FUT8: variants seen among roughly 807,000 people sequenced by gnomAD.
FUT8 encodes the protein alpha-(1,6)-fucosyltransferase.
A neutral mutation model predicts 71.3 loss-of-function variants in FUT8; 29 were observed. The ratio of observed to expected loss-of-function variants is 0.41; its 90% CI spans 0.30 to 0.55. FUT8 has a LOEUF of 0.55. Ranked by LOEUF, FUT8 falls within the 20% of genes least tolerant of loss-of-function variation. The pLI, the probability that FUT8 is intolerant of heterozygous loss-of-function variation, is 0.34. For missense variants in FUT8, 544 were observed against 702.1 expected, an observed-to-expected ratio of 0.77 and a Z score of 2.55; for synonymous variants, 254 against 239.3, an observed-to-expected ratio of 1.06 and a Z score of -0.57.
At chr14:65,671,337 C>A (rs184984244) in intron 7 of FUT8, among the ~76,000 whole-genome samples, 2 of 152,146 alleles carry the variant, frequency 1.3e-5, no homozygotes, top group African/African-American at 4.8e-5. Flanking sequence ...TCGGTAGTGG[C>A]AACCACAGGG....
chr14:65,584,572 G>A (rs2140122687), intron 3 of FUT8, among the ~76,000 whole-genome samples: 1 of 152,296 alleles, frequency 6.6e-6, no homozygotes, highest in East Asian at 1.9e-4. Context: ...TTGCTTATTA[G>A]GGATATAAAA....
chr14:65,697,660 G>C lies in FUT8; in HGVS notation c.836-24115G>C, dbSNP rs112878635. Among the ~76,000 whole-genome samples the C allele has an allele frequency of 6.8e-3, 1,037 of 152,346 alleles. 11 individuals carry two copies. Among genetic ancestry groups the C allele is most frequent in the African/African-American group, 0.023 (973 of 41,582 alleles). On this transcript the variant is annotated intron_variant, in intron 7 of 10. Transcript: ENST00000673929. ...AGCTATAAAAAGGAATATGAGGCCA[G>C]GTGCGGTGGCTCACGCCTGTTGCCT...
At chr14:65,498,302 T>C (rs1347494292) in intron 2 of FUT8, among the ~76,000 whole-genome samples, 1 of 152,206 alleles carries the variant, frequency 6.6e-6, no homozygotes, top group African/African-American at 2.4e-5. Context: ...GTCATAATTT[T>C]AAACTTAAGT....
chr14:65,741,734 C>T (rs985310841), intron 10 of FUT8, among the ~76,000 whole-genome samples: 2 of 151,938 alleles, frequency 1.3e-5, no homozygotes, highest in Admixed American at 6.6e-5. Context: ...CTATGTCTTA[C>T]TCATTTTGGT....
intron 6 of FUT8, among the ~76,000 whole-genome samples, chr14:65,665,195 T>C (rs112137161): frequency 1.4e-4 from 22 of 152,278 alleles, no homozygotes; most frequent in African/African-American, 5.3e-4. Context: ...TTTTACTTCA[T>C]AATGAAAAAG....
the FUT8 span, among the ~76,000 whole-genome samples, chr14:65,383,852 G>A: frequency 3.3e-5 from 5 of 152,196 alleles, no homozygotes; most frequent in Admixed American, 1.3e-4. Context: ...CCAAAGACTA[G>A]CAAAGTGGGA....
chr14:65,494,851 T>G lies in FUT8; in HGVS notation c.-228+39133T>G, dbSNP rs73284147. ...GAAGAGAAAGGATATTTTTTATACT[T>G]AAGGAAGTGGGGAGGAAGGTTTACC... On this transcript the variant is annotated intron_variant, in intron 2 of 10. Transcript: ENST00000673929. 9.3e-3 allele frequency among the ~76,000 whole-genome samples: 1,420 copies of G among 152,068 alleles called. 21 individuals are homozygous for G. Among genetic ancestry groups the G allele is most frequent in the African/African-American group, 0.033 (1,352 of 41,462 alleles).
intron 3 of FUT8, among the ~76,000 whole-genome samples, chr14:65,582,758 A>G (rs1887159247): frequency 6.6e-6 from 1 of 152,180 alleles, no homozygotes; most frequent in South Asian, 2.1e-4. Context: ...TCATCCTTGT[A>G]TCATAGTGTT....
intron 2 of FUT8, among the ~76,000 whole-genome samples, chr14:65,553,748 T>C (rs187424918): frequency 6.6e-6 from 1 of 152,046 alleles, no homozygotes; most frequent in Admixed American, 6.6e-5. Flanking sequence ...TGATGCTCCA[T>C]TGTTTTTTGA....
At chr14:65,535,171 C>A (rs899961877) in intron 2 of FUT8, among the ~76,000 whole-genome samples, 35 of 151,768 alleles carry the variant, frequency 2.3e-4, no homozygotes, top group Non-Finnish European at 1.0e-4. Context: ...ACGATCTTGG[C>A]CCATTGCAGC....
At position 65,448,334 on chromosome 14, in the gene FUT8, A is replaced by G. The variant is rs1307933895; in HGVS notation, c.-325-7287A>G. On this transcript the variant is annotated intron_variant, in intron 1 of 10. Transcript: ENST00000673929. ...ATGGGGGGGCGGAATAAAGGAGGCA[A>G]TGGAGCCACCATCAAACTCATGCTT... Among the ~76,000 whole-genome samples the G allele has an allele frequency of 2.0e-5, 3 of 152,174 alleles. No homozygotes were observed. In the East Asian group the frequency reaches 5.8e-4, roughly 29 times the overall value.
the FUT8 span, among the ~76,000 whole-genome samples, chr14:65,369,481 G>C: frequency 6.6e-6 from 1 of 152,164 alleles, no homozygotes; most frequent in African/African-American, 2.4e-5. This position sits in a 1 kb window ranked among gnomAD's most constrained non-coding sequence, Gnocchi z 4.6. Context: ...GGCATTCTAA[G>C]TTCCAGAAGG....
chr14:65,524,451 T>A (rs2139875649), intron 2 of FUT8, among the ~76,000 whole-genome samples: 1 of 152,346 alleles, frequency 6.6e-6, no homozygotes, highest in South Asian at 2.1e-4. Context: ...TGAAGTTGCT[T>A]ATCAGGTTAA....
chr14:65,536,291 A>G (rs1037877540), intron 2 of FUT8, among the ~76,000 whole-genome samples: 3 of 151,956 alleles, frequency 2.0e-5, no homozygotes, highest in Non-Finnish European at 4.4e-5. Flanking sequence ...TGATCTTGTT[A>G]TTGTGTTGTT....
chr14:65,643,787 A>T lies in FUT8; in HGVS notation c.597+14181A>T, dbSNP rs1890981922. On this transcript the variant is annotated intron_variant, in intron 6 of 10. Coordinates refer to ENST00000673929, the MANE Select transcript of FUT8 (RefSeq NM_001371533.1). This position sits in a 1 kb window ranked among gnomAD's most constrained non-coding sequence, Gnocchi z 4.5. ...AGTAGCAACACCCAGTAGAGGTTTT[A>T]TCCTTTTAACTTTCTTGAATATACG... 6.6e-6 allele frequency among the ~76,000 whole-genome samples: 1 copy of T among 151,520 alleles called. No homozygotes were observed. The highest frequency in any genetic ancestry group is 1.5e-5 in the Non-Finnish European group (1 of 67,964).
chr14:65,654,797 C>T (rs1351373284), intron 6 of FUT8, among the ~76,000 whole-genome samples: 3 of 151,946 alleles, frequency 2.0e-5, no homozygotes, highest in Non-Finnish European at 4.4e-5. Flanking sequence ...TAAATCCCAA[C>T]ATGTCAATAA....
chr14:65,554,941 T>G (rs1885507575), intron 2 of FUT8, among the ~76,000 whole-genome samples: 1 of 152,214 alleles, frequency 6.6e-6, no homozygotes, highest in Non-Finnish European at 1.5e-5. Context: ...GATAATTTAC[T>G]TTTGGATTAC....
chr14:65,446,996 C>T (rs529105935), intron 1 of FUT8, among the ~76,000 whole-genome samples: 1 of 152,238 alleles, frequency 6.6e-6, no homozygotes, highest in East Asian at 1.9e-4. Context: ...AATAAACATT[C>T]TGCCCCTTTG....
At chr14:65,610,376 C>T (rs1239560160) in intron 3 of FUT8, among the ~76,000 whole-genome samples, 4 of 148,494 alleles carry the variant, frequency 2.7e-5, no homozygotes, top group East Asian at 2.0e-4. Context: ...TCCTTAATTT[C>T]CTAGTTTCTG....
Sources: gnomAD v4.1 joint callset for allele counts (sites outside exome capture counted in the v4.1 genomes callset) on GRCh38, gnomAD v4.1.1 for gene constraint, Gnocchi (gnomAD v3.1) non-coding constraint, MANE v1.5 for transcripts, NCBI Gene and HGNC (gene_info 2026-07-23, HGNC 2026-07-21) for gene names.